POLR3E: variants seen among roughly 807,000 people sequenced by gnomAD.
The protein encoded by POLR3E is RNA polymerase III subunit E, also known as DNA-directed RNA polymerase III subunit RPC5.
A neutral mutation model predicts 96.6 loss-of-function variants in POLR3E; 41 were observed. That is an observed-to-expected ratio of 0.42 (90% CI 0.33 to 0.55). POLR3E has a LOEUF of 0.55. POLR3E is among the 20% of genes least tolerant of loss of function. POLR3E has a pLI of 0.06. For missense variants in POLR3E, 849 were observed against 952.1 expected (o/e 0.89, Z 1.43); for synonymous variants, 396 against 383.6 (o/e 1.03, Z -0.38).
intron 18 of POLR3E, chr16:22,326,782 T>G: frequency 5.6e-6 from 1 of 177,620 alleles, no homozygotes; most frequent in Non-Finnish European, 1.2e-5. Flanking sequence ...TTTGAATCCT[T>G]TCTGCTCAGC....
In POLR3E at chr16:22,322,616, G is replaced by A. The variant is rs994619743; in HGVS notation, c.987-234G>A. ...AGGGGTCTTAGGATGAGGCTGGTGT[G>A]CATGGCGGGTTGAGGGGTAATAAGA... On this transcript the variant is annotated intron_variant, in intron 13 of 20. Coordinates refer to ENST00000299853, the MANE Select transcript of POLR3E (RefSeq NM_018119.4). The surrounding 1 kb of genome is among the most constrained non-coding windows in gnomAD (Gnocchi z 5.2). Among the ~76,000 whole-genome samples the A allele has an allele frequency of 6.6e-6, 1 of 152,124 alleles. No individual in the cohort carries two copies. The highest frequency in any genetic ancestry group is 1.5e-5 in the Non-Finnish European group (1 of 68,014).
In POLR3E at chr16:22,313,721, A is replaced by G. The variant is rs775054350; in HGVS notation, c.466A>G (p.Asn156Asp). 3.1e-6 allele frequency: 5 copies of G among 1,608,864 alleles called. No homozygotes were observed. Among genetic ancestry groups the G allele is most frequent in the Non-Finnish European group, 4.2e-6 (5 of 1,177,050 alleles). ...DAKHREREAANEAGDSSQDEA... is the reference protein window; with the variant it reads ...DAKHREREAADEAGDSSQDEA... ...CAAGCACCGGGAGAGGGAGGCGGCC[A>G]ACGAGGGTGAGCCCGGGATCCCCAG... The change falls in exon 7 of 21, where the codon AAC becomes GAC. Residue 156 changes from asparagine to aspartate, a missense_variant. By Grantham distance (23) the Asn-to-Asp change is conservative (BLOSUM62 1). Transcript: ENST00000299853. This position sits in a 1 kb window ranked among gnomAD's most constrained non-coding sequence, Gnocchi z 4.1.
chr16:22,305,447 G>C (rs764357149), intron 3 of POLR3E: 3 of 685,576 alleles, frequency 4.4e-6, no homozygotes, highest in Non-Finnish European at 8.0e-6. Flanking sequence ...TCTGGGGTCA[G>C]ACCGGATTGA....
chr16:22,325,508 C>G, intron 17 of POLR3E: 1 of 606,846 alleles, frequency 1.6e-6, no homozygotes, highest in East Asian at 2.8e-5. Context: ...GTCTCTGAGG[C>G]TCACTCACCC....
At chr16:22,304,622 A>T (rs920676242) in intron 2 of POLR3E, among the ~76,000 whole-genome samples, 1 of 151,894 alleles carries the variant, frequency 6.6e-6, no homozygotes, top group African/African-American at 2.4e-5. Flanking sequence ...CATGTGGTTT[A>T]TAGGAGGAGT....
intron 19 of POLR3E, 183 bp downstream of exon 19, chr16:22,328,770 T>C (rs568484204): frequency 5.1e-6 from 3 of 588,550 alleles, no homozygotes; most frequent in South Asian, 1.9e-5. Flanking sequence ...TGCCAATAGT[T>C]TGAACCTAAA....
intron 2 of POLR3E, 71 bp downstream of exon 2, chr16:22,303,075 C>A: frequency 7.3e-7 from 1 of 1,361,456 alleles, no homozygotes; most frequent in Non-Finnish European, 1.1e-6. Context: ...CATGTGTCCT[C>A]AGGCCAGTCT....
rs1555481798 is a variant in POLR3E, at chr16:22,312,885, A to AACAAAC, written c.365-734_365-733insCAAACA. Among the ~76,000 whole-genome samples, 40 of 151,782 alleles carry AACAAAC rather than the reference A, an allele frequency of 2.6e-4. 1 individual carries two copies. Among genetic ancestry groups the AACAAAC allele is most frequent in the African/African-American group, 9.2e-4 (38 of 41,402 alleles). On this transcript the variant is annotated intron_variant, in intron 6 of 20. Transcript: ENST00000299853. ...CGACACTCCATCTCAAAAAAAAAAA[A>AACAAAC]AAAAAAAAAAAACAGTAAAGTGCTT... is the stretch of plus-strand genomic sequence containing the variant.
chr16:22,318,976 AT>A lies in POLR3E; in HGVS notation c.986+33del. 2.6e-6 allele frequency: 4 copies of A among 1,528,024 alleles called. No individual in the cohort carries two copies. The highest frequency in any genetic ancestry group is 3.5e-6 in the Non-Finnish European group (4 of 1,127,776). 94.7% of individuals were successfully genotyped at this position (1,528,024 alleles called of 1,614,324 possible). On this transcript the variant is annotated intron_variant, in intron 13 of 20. Coordinates refer to ENST00000299853, the MANE Select transcript of POLR3E (RefSeq NM_018119.4). The surrounding 1 kb of genome is among the most constrained non-coding windows in gnomAD (Gnocchi z 5.0). ...GTTGCTTTTTTTATTTTTTATTTTTATTTATTTTTTTCCTTGAGGCAGAGCT... is the reference window on the plus strand; with the variant it reads ...GTTGCTTTTTTTATTTTTTATTTTTATTATTTTTTTCCTTGAGGCAGAGCT...
chr16:22,304,030 C>T (rs1026276284), intron 2 of POLR3E, among the ~76,000 whole-genome samples: 1 of 151,932 alleles, frequency 6.6e-6, no homozygotes, highest in Admixed American at 6.6e-5. Context: ...AGGCTGGTCT[C>T]GATCTCCTGA....
At chr16:22,298,321 C>T (rs956999775) in intron 1 of POLR3E, among the ~76,000 whole-genome samples, 1 of 152,220 alleles carries the variant, frequency 6.6e-6, no homozygotes, top group Non-Finnish European at 1.5e-5. Context: ...GGTGACGCTC[C>T]TGCTTGCAGC....
chr16:22,327,485 A>C (rs534260229), intron 18 of POLR3E: 2 of 152,234 alleles, frequency 1.3e-5, no homozygotes, highest in Admixed American at 1.3e-4. Context: ...GGACATGGCC[A>C]CCCTCAGACA....
At position 22,331,168 on chromosome 16, in the gene POLR3E, G is replaced by T. The variant is rs141117327; in HGVS notation, c.1945-892G>T. 7.9e-4 allele frequency among the ~76,000 whole-genome samples: 120 copies of T among 151,960 alleles called. 1 individual carries two copies. In the East Asian group the frequency reaches 0.021, roughly 27 times the overall value. On this transcript the variant is annotated intron_variant, in intron 19 of 20. Coordinates refer to ENST00000299853, the MANE Select transcript of POLR3E (RefSeq NM_018119.4). ...TGATTTTTGTATTTTTAGTAGAGAC[G>T]GAGTTTCACCACGTTGGACAGGCTG...
At position 22,323,531 on chromosome 16, in the gene POLR3E, C is replaced by T. The variant is rs367847319; in HGVS notation, c.1068+600C>T. On this transcript the variant is annotated intron_variant, in intron 14 of 20. Transcript: ENST00000299853. ...GTGCTGCCCAGGAGCTGTCCCACAC[C>T]CCTTGGCACGCTGGTGTGCCGTCCC... Among the ~76,000 whole-genome samples the T allele has an allele frequency of 9.9e-5, 15 of 152,230 alleles. No homozygotes were observed. The East Asian group carries it at 1.5e-3, about 16-fold the overall frequency.
At chr16:22,308,737 C>T (rs2094820740) in intron 4 of POLR3E, among the ~76,000 whole-genome samples, 188 bp from the exon 5 acceptor site, 1 of 152,172 alleles carries the variant, frequency 6.6e-6, no homozygotes, top group Non-Finnish European at 1.5e-5. Flanking sequence ...TTCCTTCTGA[C>T]ATTTTTGTTG....
chr16:22,307,569 A>C (rs150971874), intron 3 of POLR3E, among the ~76,000 whole-genome samples: 2 of 152,278 alleles, frequency 1.3e-5, no homozygotes, highest in East Asian at 3.9e-4. Context: ...TTGCTGTGTG[A>C]GCCATTCACA....
intron 4 of POLR3E, 161 bp downstream of exon 4, chr16:22,308,386 G>A: frequency 1.6e-6 from 1 of 643,252 alleles, no homozygotes; most frequent in Non-Finnish European, 2.8e-6. Flanking sequence ...CAGAAAGACA[G>A]GGATGGGCAG....
chr16:22,316,533 T>A, intron 9 of POLR3E, 68 bp from the exon 10 acceptor site: 1 of 1,278,500 alleles, frequency 7.8e-7, no homozygotes, highest in Non-Finnish European at 1.1e-6. Context: ...ACGGGAGGCC[T>A]TGGGGGAGGG....
Position 22,315,119 on chromosome 16 carries a change from G to A in POLR3E, c.553G>A (p.Ala185Thr). Residue 185 changes from alanine (A) to threonine (T), a missense_variant, in exon 9 of 21, where the codon GCC becomes ACC. By Grantham distance (58) the Ala-to-Thr change is moderately conservative. Transcript: ENST00000299853. ...GTTCTCCCGGCCGGAGTCAGAGCAG[G>A]CCCGCCAGCGCCGTGTGCAGTCCTA... ...VRFSRPESEQ[A>T]RQRRVQSYEF... The A allele has an allele frequency of 6.2e-7, 1 of 1,613,354 alleles. No homozygotes were observed. Among genetic ancestry groups the A allele is most frequent in the Non-Finnish European group, 8.5e-7 (1 of 1,179,830 alleles).
Sources: gnomAD v4.1 joint callset for allele counts (sites outside exome capture counted in the v4.1 genomes callset) on GRCh38, gnomAD v4.1.1 for gene constraint, Gnocchi (gnomAD v3.1) non-coding constraint, MANE v1.5 for transcripts, NCBI Gene and HGNC (gene_info 2026-07-23, HGNC 2026-07-21) for gene names.